THBS2: variants seen among roughly 807,000 people sequenced by gnomAD.
THBS2 encodes thrombospondin 2, also known as thrombospondin-2.
Under a neutral mutation model 135.2 loss-of-function variants are expected in THBS2, and 47 were observed. The ratio of observed to expected loss-of-function variants is 0.35; its 90% CI spans 0.28 to 0.44. THBS2 has a LOEUF of 0.44. THBS2 is among the 20% of genes least tolerant of loss of function. The probability of loss-of-function intolerance (pLI) is 1.00; values close to 1 mark genes in which losing one functional copy is unlikely to be tolerated. For synonymous variants in THBS2, 639 were observed against 633.8 expected (o/e 1.01, Z -0.12); for missense variants, 1,288 against 1,603.1 (o/e 0.80, Z 3.36).
At chr6:169,220,800 G>T (rs1378572160) in intron 20 of THBS2, among the ~76,000 whole-genome samples, 2 of 152,126 alleles carry the variant, frequency 1.3e-5, no homozygotes, top group Admixed American at 1.3e-4. Context: ...TGAATAAACA[G>T]GAGGCCCCCT....
At position 169,229,615 on chromosome 6, in the gene THBS2, G is replaced by T; in HGVS notation, c.2216C>A (p.Ala739Asp). 6.2e-7 allele frequency: 1 copy of T among 1,614,066 alleles called. No homozygotes were observed. The highest frequency in any genetic ancestry group is 8.5e-7 in the Non-Finnish European group (1 of 1,179,982). Residue 739 changes from alanine (A) to aspartate (D), a missense_variant, in exon 14 of 22, where the codon GCC becomes GAC. Physicochemically the swap from Ala to Asp is moderately radical, Grantham distance 126. This residue lies in a region of THBS2 where 874 missense variants were observed against 1,156.1 expected (regional missense o/e 0.76). Coordinates refer to ENST00000617924, the MANE Select transcript of THBS2 (RefSeq NM_003247.5). ...EDFDKDGIGD[A>D]CDDDDDNDGV... ...GTCATTGTCATCGTCATCATCACAG[G>T]CATCGCCAATCCCGTCCTTGTCAAA...
In THBS2 at chr6:169,229,568, C is replaced by T. The variant is rs780429023; in HGVS notation, c.2259+4G>A. ...GGCAGGTGCGCGGCACAAGCTGCTCCTACCTTCTCATCGGTCACACCGTCA... is the reference window on the plus strand; with the variant it reads ...GGCAGGTGCGCGGCACAAGCTGCTCTTACCTTCTCATCGGTCACACCGTCA... On this transcript the variant is annotated splice_donor_region_variant and intron_variant, in intron 14 of 21. Transcript: ENST00000617924. 6.2e-7 allele frequency: 1 copy of T among 1,613,584 alleles called. No homozygotes were observed. Among genetic ancestry groups the T allele is most frequent in the East Asian group, 2.2e-5 (1 of 44,882 alleles).
rs1214814470 is a variant in THBS2 at position 169,241,417 on chromosome 6, ATGTGTGTGTATGTG to A, written c.891+331_891+344del. ...CCTCTGCAGGTGTGTGTGTGTGTGT[ATGTGTGTGTATGTG>A]TGTGTGTATGTGTGTGTGTGTGTGT... On this transcript the variant is annotated intron_variant, in intron 5 of 21. Transcript: ENST00000617924. The surrounding 1 kb of genome is among the most constrained non-coding windows in gnomAD (Gnocchi z 5.5). Among the ~76,000 whole-genome samples the A allele has an allele frequency of 2.7e-5, 4 of 148,376 alleles. No individual in the cohort carries two copies. Among genetic ancestry groups the A allele is most frequent in the African/African-American group, 1.0e-4 (4 of 39,680 alleles).
intron 21 of THBS2, among the ~76,000 whole-genome samples, chr6:169,218,835 A>C (rs1365125791): frequency 7.2e-6 from 1 of 139,594 alleles, no homozygotes; most frequent in Non-Finnish European, 1.5e-5. Flanking sequence ...GCTGAGATGG[A>C]TGGATGGATG....
chr6:169,225,046 C>A, intron 17 of THBS2, 99 bp downstream of exon 17: 1 of 1,201,618 alleles, frequency 8.3e-7, no homozygotes, highest in South Asian at 1.4e-5. Flanking sequence ...CTTTTTCCAG[C>A]AGCAGATTTA....
At chr6:169,228,074 CAAA>C (rs11284439) in intron 15 of THBS2, 45 bp downstream of exon 15, 13,592 of 1,410,110 alleles carry the variant, frequency 9.6e-3, no homozygotes, top group South Asian at 0.02. Flanking sequence ...AACTCCATCT[CAAA>C]AAAAAAAAAA....
rs767991056 is a variant in THBS2, at chr6:169,222,287, G to A, written c.3183C>T (p.Ser1061=). Residue 1061 remains serine (S), a synonymous_variant, in exon 19 of 22, where the codon TCC becomes TCT. Coordinates refer to ENST00000617924, the MANE Select transcript of THBS2 (RefSeq NM_003247.5). ...EDQPTRAYGY[S]GVSLKVVNST... ...AGTTCACCACCTTGAGGGACACGCC[G>A]GAGTAGCCATAGGCCCGCGTGGGCT... 45 of 1,613,194 alleles carry A rather than the reference G, an allele frequency of 2.8e-5. No homozygotes were observed. In the Middle Eastern group the frequency reaches 4.9e-4, roughly 18 times the overall value.
chr6:169,234,851 C>A lies in THBS2; in HGVS notation c.1534G>T (p.Gly512Cys). Reference sequence around the variant, plus strand: ...ACCCGGGTGCGCTCCCGGATCCCACCGGCACAGGTGACAGTGCAGGCCGAC... The same window carrying A: ...ACCCGGGTGCGCTCCCGGATCCCACAGGCACAGGTGACAGTGCAGGCCGAC... ...PWSACTVTCA[G>C]GIRERTRVCN... is the part of the protein sequence containing the mutation. The change falls in exon 10 of 22, where the codon GGT becomes TGT. Residue 512 changes from glycine (G) to cysteine (C), a missense_variant. Physicochemically the swap from Gly to Cys is radical, Grantham distance 159. Transcript: ENST00000617924. The A allele has an allele frequency of 6.2e-7, 1 of 1,613,102 alleles. No individual in the cohort carries two copies. The highest frequency in any genetic ancestry group is 8.5e-7 in the Non-Finnish European group (1 of 1,179,732).
intron 10 of THBS2, among the ~76,000 whole-genome samples, chr6:169,233,389 A>G (rs925689581): frequency 2.0e-5 from 3 of 151,772 alleles, no homozygotes; most frequent in African/African-American, 7.3e-5. Flanking sequence ...GGATCACACA[A>G]CTACCCACGT....
In THBS2 at chr6:169,223,468, T is replaced by G. The variant is rs371023005; in HGVS notation, c.2781A>C (p.Gly927=). The G allele has an allele frequency of 7.4e-6, 12 of 1,613,758 alleles. No homozygotes were observed. Among genetic ancestry groups the G allele is most frequent in the African/African-American group, 6.7e-5 (5 of 74,908 alleles). The part of the protein sequence containing the change: ...NPDQEDLDGD[G]RGDICKDDFD... ...AATCATCTTTACAAATATCACCCCG[T>G]CCATCACCTATGCACAAAGAACAAG... is the stretch of plus-strand genomic sequence containing the variant. The change falls in exon 18 of 22, where the codon GGA becomes GGC. Residue 927 remains glycine (G), a synonymous_variant. Transcript: ENST00000617924.
At position 169,216,612 on chromosome 6, in the gene THBS2, C is replaced by CCAT. The variant is rs1779181476; in HGVS notation, c.*1207_*1209dup. 6.6e-6 allele frequency: 1 copy of CCAT among 152,112 alleles called. No homozygotes were observed. 9.4% of individuals were successfully genotyped at this position (152,112 alleles called of 1,614,324 possible). On this transcript the variant is annotated 3_prime_UTR_variant, in exon 22 of 22. Transcript: ENST00000617924. ...CTGGCAACATTATATATTTAAGGTT[C>CCAT]CATCATAAACTCCTCATTATTCTCT...
intron 9 of THBS2, among the ~76,000 whole-genome samples, chr6:169,235,832 C>T (rs1780020727): frequency 8.9e-6 from 1 of 111,760 alleles, no homozygotes; most frequent in African/African-American, 3.7e-5. Context: ...CTTCCATCCA[C>T]ACTTACTCCC....
chr6:169,228,063 A>G, intron 15 of THBS2, 59 bp downstream of exon 15: 13 of 1,487,394 alleles, frequency 8.7e-6, no homozygotes, highest in Non-Finnish European at 1.2e-5. Flanking sequence ...AACAATAGTG[A>G]AACTCCATCT....
At chr6:169,220,835 G>A (rs543211220) in intron 20 of THBS2, among the ~76,000 whole-genome samples, 9 of 152,166 alleles carry the variant, frequency 5.9e-5, no homozygotes, top group East Asian at 1.9e-4. Context: ...GCGAGGCCAC[G>A]AGCCTGCACT....
chr6:169,220,985 A>G (rs934960639), intron 20 of THBS2, among the ~76,000 whole-genome samples: 3 of 152,266 alleles, frequency 2.0e-5, no homozygotes, highest in Non-Finnish European at 4.4e-5. Context: ...TTTTGTTTGA[A>G]TAAAAATCAA....
rs1392232802 is a variant in THBS2 at position 169,222,452 on chromosome 6, C to T, written c.3018G>A (p.Gly1006=). The part of the protein sequence containing the change: ...PGIAVGFDEF[G]SVDFSGTFYV... The stretch of plus-strand genomic sequence containing the variant: ...AGAATGTGCCACTGAAGTCCACAGA[C>T]CCAAACTCGTCAAAACCTGGATGCA... The change falls in exon 19 of 22, where the codon GGG becomes GGA. Residue 1006 remains glycine, a synonymous_variant. Transcript: ENST00000617924. 6.2e-6 allele frequency: 10 copies of T among 1,613,204 alleles called. No homozygotes were observed. The highest frequency in any genetic ancestry group is 5.9e-6 in the Non-Finnish European group (7 of 1,179,608).
At chr6:169,226,461 T>G (rs574445188) in intron 15 of THBS2, among the ~76,000 whole-genome samples, 163 bp from the exon 16 acceptor site, 3 of 152,338 alleles carry the variant, frequency 2.0e-5, no homozygotes, top group African/African-American at 7.2e-5. Flanking sequence ...ATAAAGACTA[T>G]TAGATTTTAG....
chr6:169,226,674 C>A (rs1228821546), intron 15 of THBS2, among the ~76,000 whole-genome samples: 1 of 152,112 alleles, frequency 6.6e-6, no homozygotes, highest in Non-Finnish European at 1.5e-5. Flanking sequence ...ATCATCCATG[C>A]ACATGAGTAG....
At position 169,247,436 on chromosome 6, in the gene THBS2, TGTATGA is replaced by T. The variant is rs745765235; in HGVS notation, c.609+975_609+980del. ...AGGTGTTTGTGTGTATGTATACGTG[TGTATGA>T]GTATGTGTGCATTTGTGCATGTGTA... On this transcript the variant is annotated intron_variant, in intron 3 of 21. Transcript: ENST00000617924. Among the ~76,000 whole-genome samples the T allele has an allele frequency of 3.1e-4, 47 of 152,248 alleles. 1 individual carries two copies. The highest frequency in any genetic ancestry group is 1.4e-3 in the East Asian group (7 of 5,180).
Sources: gnomAD v4.1 joint callset for allele counts (sites outside exome capture counted in the v4.1 genomes callset) on GRCh38, gnomAD v4.1.1 for gene constraint, gnomAD v4.1.1 regional missense constraint, Gnocchi (gnomAD v3.1) non-coding constraint, MANE v1.5 for transcripts, NCBI Gene and HGNC (gene_info 2026-07-23, HGNC 2026-07-21) for gene names.